CACHD1: variants seen among roughly 807,000 people sequenced by gnomAD.
CACHD1 encodes cache domain containing 1, also known as VWFA and cache domain-containing protein 1.
A neutral mutation model predicts 138.7 loss-of-function variants in CACHD1; 71 were observed. The ratio of observed to expected loss-of-function variants is 0.51; its 90% CI spans 0.42 to 0.62. The LOEUF (loss-of-function observed/expected upper bound fraction) is 0.62, where lower values mean the gene tolerates loss of function less well. Among genes scored for constraint, CACHD1 ranks in the 20% least tolerant of loss-of-function variants. The pLI, the probability that CACHD1 is intolerant of heterozygous loss-of-function variation, is 0.00. For synonymous variants in CACHD1, 578 were observed against 591.5 expected, an observed-to-expected ratio of 0.98 and a Z score of 0.33; for missense variants, 1,389 against 1,625.3, an observed-to-expected ratio of 0.85 and a Z score of 2.50.
chr1:64,489,100 CT>C (rs1006586368), intron 1 of CACHD1, among the ~76,000 whole-genome samples: 1 of 152,150 alleles, frequency 6.6e-6, no homozygotes, highest in African/African-American at 2.4e-5. Flanking sequence ...GGGATTAACT[CT>C]TTTTAAGCTA....
intron 4 of CACHD1, among the ~76,000 whole-genome samples, chr1:64,608,313 C>T (rs1032815966): frequency 1.3e-5 from 2 of 152,158 alleles, no homozygotes; most frequent in Non-Finnish European, 2.9e-5. Context: ...GAAAGGTGAC[C>T]TCAGAGTTCC....
At chr1:64,643,762 C>G (rs1277921566) in intron 8 of CACHD1, among the ~76,000 whole-genome samples, 1 of 152,148 alleles carries the variant, frequency 6.6e-6, no homozygotes, top group Non-Finnish European at 1.5e-5. Context: ...GGCTAGAACC[C>G]GGGAGGCGGA....
chr1:64,534,931 G>A (rs891616852), intron 1 of CACHD1, among the ~76,000 whole-genome samples: 1 of 152,342 alleles, frequency 6.6e-6, no homozygotes, highest in Middle Eastern at 3.4e-3. Context: ...GCTGCATATT[G>A]GATGTGAGAC....
Position 64,566,487 on chromosome 1 carries a change from C to CCCA in CACHD1, c.262-15667_262-15666insACC, listed in dbSNP as rs1016698713. 3.6e-4 allele frequency among the ~76,000 whole-genome samples: 52 copies of CCCA among 144,058 alleles called. 3 individuals carry two copies. The highest frequency in any genetic ancestry group is 1.3e-4 in the Non-Finnish European group (8 of 63,040). The allele number at this position is 144,058 out of a possible 152,430, so 94.5% of individuals were successfully genotyped here. A position where few individuals can be genotyped will look rare whatever the true frequency, so the allele number is the denominator to read the frequency against. ...CACTGTATGTTTTCAATTCCCCCCC[C>CCCA]CCCACAAGGTATGGGGGAAGTACTG... On this transcript the variant is annotated intron_variant, in intron 2 of 26. Coordinates refer to ENST00000651257, the MANE Select transcript of CACHD1 (RefSeq NM_020925.4).
At position 64,675,257 on chromosome 1, in the gene CACHD1, A is replaced by G. The variant is rs1331056342; in HGVS notation, c.2728-144A>G. The G allele has an allele frequency of 7.0e-6, 4 of 574,472 alleles. No individual in the cohort carries two copies. The East Asian group carries it at 1.1e-4, about 16-fold the overall frequency. The allele number at this position is 574,472 out of a possible 1,614,324, so 35.6% of individuals were successfully genotyped here. A position where few individuals can be genotyped will look rare whatever the true frequency, so the allele number is the denominator to read the frequency against. On this transcript the variant is annotated intron_variant, in intron 19 of 26. Transcript: ENST00000651257. ...TTTCTAAATTTTTAACAGTGACTAT[A>G]TATTTTTTAACAGTGACTTTTGTAA... is the stretch of plus-strand genomic sequence containing the variant.
At chr1:64,677,826 G>A (rs1354842299) in intron 22 of CACHD1, among the ~76,000 whole-genome samples, 1 of 152,024 alleles carries the variant, frequency 6.6e-6, no homozygotes, top group Non-Finnish European at 1.5e-5. Context: ...CACACTTGGG[G>A]GATGTTAAGC....
chr1:64,655,182 G>T (rs1649223332), intron 12 of CACHD1, among the ~76,000 whole-genome samples: 1 of 152,136 alleles, frequency 6.6e-6, no homozygotes, highest in Non-Finnish European at 1.5e-5. Flanking sequence ...TGGGAGGATT[G>T]CTTAAGCCTG....
At chr1:64,559,290 A>G (rs1646821421) in intron 2 of CACHD1, among the ~76,000 whole-genome samples, 1 of 152,224 alleles carries the variant, frequency 6.6e-6, no homozygotes. Context: ...TGTGGTATAT[A>G]TGTACACTAT....
intron 25 of CACHD1, among the ~76,000 whole-genome samples, 186 bp downstream of exon 25, chr1:64,681,521 A>G (rs371546054): frequency 4.2e-5 from 5 of 118,592 alleles, no homozygotes; most frequent in African/African-American, 1.9e-4. Flanking sequence ...GTTTTAGAGA[A>G]TCTCAAAAGA....
At chr1:64,509,207 AT>A (rs913664503) in intron 1 of CACHD1, among the ~76,000 whole-genome samples, 2 of 152,142 alleles carry the variant, frequency 1.3e-5, no homozygotes, top group African/African-American at 4.8e-5. Context: ...TTGAACTGTC[AT>A]TAGCAAAAGG....
chr1:64,564,449 A>G (rs1417635308), intron 2 of CACHD1, among the ~76,000 whole-genome samples: 2 of 152,136 alleles, frequency 1.3e-5, no homozygotes, highest in African/African-American at 4.8e-5. Flanking sequence ...ATCAGCATCA[A>G]TCATCTGACC....
intron 1 of CACHD1, among the ~76,000 whole-genome samples, chr1:64,495,651 A>C (rs558218040): frequency 1.3e-5 from 2 of 151,996 alleles, no homozygotes; most frequent in Non-Finnish European, 2.9e-5. Context: ...GAAAGAGAGC[A>C]ATACAGTGCT....
intron 1 of CACHD1, among the ~76,000 whole-genome samples, chr1:64,485,524 A>C (rs973526742): frequency 2.0e-5 from 3 of 152,172 alleles, no homozygotes; most frequent in African/African-American, 7.2e-5. Flanking sequence ...TTGTACAGAT[A>C]TGCCACAGTT....
chr1:64,501,805 A>AT (rs1226292239), intron 1 of CACHD1, among the ~76,000 whole-genome samples: 1 of 152,254 alleles, frequency 6.6e-6, no homozygotes, highest in Non-Finnish European at 1.5e-5. Context: ...CATCAGCTCC[A>AT]TCTCACTTTG....
At chr1:64,504,601 G>T (rs1416104435) in intron 1 of CACHD1, among the ~76,000 whole-genome samples, 1 of 152,064 alleles carries the variant, frequency 6.6e-6, no homozygotes, top group Non-Finnish European at 1.5e-5. Context: ...TCCTAAGCAA[G>T]GGAGTAGAAA....
chr1:64,663,247 G>A (rs1350441178), intron 13 of CACHD1, among the ~76,000 whole-genome samples: 3 of 146,874 alleles, frequency 2.0e-5, no homozygotes, highest in Non-Finnish European at 4.5e-5. Context: ...GGGAGAGAAT[G>A]TGGCCCTTTA....
chr1:64,671,222 G>A (rs1052928232), intron 16 of CACHD1, among the ~76,000 whole-genome samples: 2 of 151,980 alleles, frequency 1.3e-5, no homozygotes, highest in African/African-American at 4.8e-5. Context: ...AGGTTTGTTG[G>A]AAGTAACTGT....
At chr1:64,665,928 C>T (rs976865922) in intron 15 of CACHD1, 129 bp from the exon 16 acceptor site, 5 of 457,546 alleles carry the variant, frequency 1.1e-5, no homozygotes, top group African/African-American at 1.0e-4. Context: ...TGGCGTGAAC[C>T]CAGGAGGCGG....
At chr1:64,684,219 G>A (rs1206805807) in intron 26 of CACHD1, among the ~76,000 whole-genome samples, 2 of 152,268 alleles carry the variant, frequency 1.3e-5, no homozygotes, top group East Asian at 3.9e-4. Context: ...GAGTGCAAAG[G>A]TGCGATCTCA....
Sources: allele counts gnomAD v4.1 joint callset (sites outside exome capture counted in the v4.1 genomes callset), GRCh38; gene constraint gnomAD v4.1.1; transcripts MANE v1.5; gene names NCBI Gene and HGNC (gene_info 2026-07-23, HGNC 2026-07-21).